Variants in AFF1 observed in about 807,000 individuals in gnomAD.
AFF1 encodes AF4/FMR2 family member 1.
AFF1 carries 48 observed loss-of-function variants against 121.7 expected under a neutral mutation model. The ratio of observed to expected loss-of-function variants is 0.39; its 90% CI spans 0.31 to 0.50. The LOEUF (loss-of-function observed/expected upper bound fraction) is 0.50, where lower values mean the gene tolerates loss of function less well. AFF1 is among the 20% of genes least tolerant of loss of function. AFF1 has a pLI of 0.76. For synonymous variants in AFF1, 613 were observed against 563.0 expected (o/e 1.09, Z -1.26); for missense variants, 1,523 against 1,511.7 (o/e 1.01, Z -0.12).
intron 8 of AFF1, among the ~76,000 whole-genome samples, chr4:87,099,455 GCTGGAGTGCA>G (rs1440694420): frequency 6.6e-6 from 1 of 152,142 alleles, no homozygotes; most frequent in African/African-American, 2.4e-5. Context: ...TGTCACCCAG[GCTGGAGTGCA>G]GTGGGGTGAC....
chr4:87,019,889 G>GC (rs1578076396), intron 2 of AFF1, among the ~76,000 whole-genome samples: 1 of 132,850 alleles, frequency 7.5e-6, no homozygotes, highest in African/African-American at 2.8e-5. Flanking sequence ...GGGGTCGGGG[G>GC]GGGGCAGTCT....
intron 2 of AFF1, among the ~76,000 whole-genome samples, chr4:87,022,052 A>G (rs1312665623): frequency 6.6e-6 from 1 of 152,078 alleles, no homozygotes; most frequent in Non-Finnish European, 1.5e-5. Flanking sequence ...AAAATACAAA[A>G]AAATTAGCCA....
At chr4:87,031,241 C>T (rs1729052434) in intron 2 of AFF1, among the ~76,000 whole-genome samples, 1 of 152,124 alleles carries the variant, frequency 6.6e-6, no homozygotes, top group South Asian at 2.1e-4. Flanking sequence ...AATGATCACT[C>T]CCCTACAAAC....
At chr4:86,975,557 C>CT in intron 2 of AFF1, among the ~76,000 whole-genome samples, 1 of 152,258 alleles carries the variant, frequency 6.6e-6, no homozygotes, top group Non-Finnish European at 1.5e-5. Flanking sequence ...AGTCTTCCAC[C>CT]TTAATCTTTA....
intron 2 of AFF1, among the ~76,000 whole-genome samples, chr4:87,025,761 G>A (rs1369156916): frequency 1.3e-5 from 2 of 152,162 alleles, no homozygotes; most frequent in East Asian, 3.8e-4. Context: ...AGTGTCAATA[G>A]TGGAGAACTC....
intron 2 of AFF1, among the ~76,000 whole-genome samples, chr4:86,961,353 T>C (rs1296865169): frequency 6.6e-6 from 1 of 152,194 alleles, no homozygotes; most frequent in Non-Finnish European, 1.5e-5. Context: ...GTTCCCTTTT[T>C]GTCTTTGTAG....
At chr4:86,942,703 A>G (rs536506993) in intron 1 of AFF1, among the ~76,000 whole-genome samples, 1 of 152,348 alleles carries the variant, frequency 6.6e-6, no homozygotes, top group East Asian at 1.9e-4. Flanking sequence ...GCAAAAATAG[A>G]CAAATATGTC....
rs780796055 is a variant in AFF1 at position 87,139,600 on chromosome 4, A to T, written c.*3899A>T. ...ATTGCAGCCATGAAGGGATGCTAGG[A>T]TCAATTATGGCAGTACCTTTTTTCC... On this transcript the variant is annotated 3_prime_UTR_variant, in exon 21 of 21. Transcript: ENST00000395146. 2.1e-4 allele frequency: 49 copies of T among 230,256 alleles called. No homozygotes were observed. The highest frequency in any genetic ancestry group is 3.6e-4 in the Non-Finnish European group (42 of 116,064). 14.3% of individuals were successfully genotyped at this position (230,256 alleles called of 1,614,324 possible).
At chr4:86,964,746 C>G (rs75009489) in intron 2 of AFF1, among the ~76,000 whole-genome samples, 5,924 of 152,244 alleles carry the variant, frequency 0.039, 196 homozygotes, top group African/African-American at 0.092. Flanking sequence ...TATATACATC[C>G]TTCTCGTTAT....
chr4:86,951,773 T>C (rs1175681028), intron 2 of AFF1, among the ~76,000 whole-genome samples: 1 of 151,748 alleles, frequency 6.6e-6, no homozygotes, highest in Non-Finnish European at 1.5e-5. Context: ...AGGCACACCA[T>C]GCCCAGCTAA....
intron 2 of AFF1, chr4:87,020,857 A>G (rs554233010): frequency 1.0e-6 from 1 of 981,560 alleles, no homozygotes; most frequent in Non-Finnish European, 1.2e-6. Context: ...TGGCAATATT[A>G]GTTTTTAATG....
chr4:86,988,057 T>C (rs1724427156), intron 2 of AFF1, among the ~76,000 whole-genome samples: 1 of 145,120 alleles, frequency 6.9e-6, no homozygotes, highest in Admixed American at 7.0e-5. Context: ...TGATATATAA[T>C]AATTGTACAT....
At chr4:86,960,488 T>G (rs889145475) in intron 2 of AFF1, among the ~76,000 whole-genome samples, 9 of 152,182 alleles carry the variant, frequency 5.9e-5, no homozygotes, top group Middle Eastern at 3.2e-3. Flanking sequence ...CGTTTTTAAG[T>G]AAATTCTTAG....
rs150092506 is a variant in AFF1 at position 86,942,731 on chromosome 4, C to A, written c.-36-5767C>A. On this transcript the variant is annotated intron_variant, in intron 1 of 20. Transcript: ENST00000395146. ...AATATGTCAGGCAAAGCCACACCTTCCTCTTCTCCTCCTCTTCGTGCCTTG... is the reference window on the plus strand; with the variant it reads ...AATATGTCAGGCAAAGCCACACCTTACTCTTCTCCTCCTCTTCGTGCCTTG... 8.7e-3 allele frequency among the ~76,000 whole-genome samples: 1,332 copies of A among 152,284 alleles called. 25 individuals are homozygous for A. The highest frequency in any genetic ancestry group is 0.031 in the African/African-American group (1,281 of 41,544).
chr4:87,096,063 G>T lies in AFF1; in HGVS notation c.1283+1094G>T, dbSNP rs1206206936. Among the ~76,000 whole-genome samples, 4 of 152,188 alleles carry T rather than the reference G, an allele frequency of 2.6e-5. No homozygotes were observed. The East Asian group carries it at 7.7e-4, about 29-fold the overall frequency. ...TTTTATCTCCTCGCCATGACTAAAT[G>T]TGGGTCTGGGTTAAGTGTTTGTTTC... On this transcript the variant is annotated intron_variant, in intron 8 of 20. Coordinates refer to ENST00000395146, the MANE Select transcript of AFF1 (RefSeq NM_001166693.3).
At chr4:87,071,348 T>G (rs1277837319) in intron 4 of AFF1, among the ~76,000 whole-genome samples, 1 of 152,194 alleles carries the variant, frequency 6.6e-6, no homozygotes, top group African/African-American at 2.4e-5. Context: ...AAAACTGATC[T>G]GCTCAGGGGC....
chr4:87,076,550 AAC>A (rs1293990885), intron 4 of AFF1, among the ~76,000 whole-genome samples: 1 of 152,250 alleles, frequency 6.6e-6, no homozygotes, highest in Non-Finnish European at 1.5e-5. Flanking sequence ...TTGGTTTTGC[AAC>A]TTAATGTAAT....
chr4:87,024,873 C>T (rs557224948), intron 2 of AFF1, among the ~76,000 whole-genome samples: 137 of 152,308 alleles, frequency 9.0e-4, no homozygotes, highest in African/African-American at 3.1e-3. Flanking sequence ...GGATCACAGG[C>T]GTGAGCCACT....
intron 2 of AFF1, among the ~76,000 whole-genome samples, chr4:87,037,963 C>T (rs1729733502): frequency 6.7e-6 from 1 of 149,364 alleles, no homozygotes; most frequent in African/African-American, 2.4e-5. Context: ...AATGGGGTCA[C>T]ATAAAACTTT....
Sources: allele counts gnomAD v4.1 joint callset (sites outside exome capture counted in the v4.1 genomes callset), GRCh38; gene constraint gnomAD v4.1.1; transcripts MANE v1.5; gene names NCBI Gene and HGNC (gene_info 2026-07-23, HGNC 2026-07-21).